PCDHA2: variants seen among roughly 807,000 people sequenced by gnomAD.
PCDHA2 encodes protocadherin alpha-2.
In PCDHA2, 58 loss-of-function variants were observed where a neutral mutation model predicts 66.0. The observed-to-expected ratio is 0.88, with a 90% CI of 0.71 to 1.09. PCDHA2 has a LOEUF of 1.09. PCDHA2 is among the 50% of genes least tolerant of loss of function. The pLI, the probability that PCDHA2 is intolerant of heterozygous loss-of-function variation, is 0.00. For missense variants in PCDHA2, 1,267 were observed against 1,242.3 expected, an observed-to-expected ratio of 1.02 and a Z score of -0.30; for synonymous variants, 634 against 554.0, an observed-to-expected ratio of 1.14 and a Z score of -2.03.
chr5:140,822,325 A>G (rs1767274274), intron 1 of PCDHA2: 1 of 1,614,194 alleles, frequency 6.2e-7, no homozygotes, highest in Non-Finnish European at 8.5e-7. Flanking sequence ...TGTTAAAACA[A>G]ATGAAGAAGA....
intron 1 of PCDHA2, among the ~76,000 whole-genome samples, chr5:140,958,893 A>G (rs1332305633): frequency 2.6e-5 from 4 of 152,002 alleles, no homozygotes; most frequent in African/African-American, 9.7e-5. Flanking sequence ...TAGCTATATA[A>G]TAGATACAGA....
intron 1 of PCDHA2, chr5:140,810,853 CAATT>C (rs1394069722): frequency 9.9e-5 from 15 of 152,090 alleles, no homozygotes; most frequent in African/African-American, 3.1e-4. Flanking sequence ...TGATTAAACT[CAATT>C]TATCAATTTT....
rs782410675 is a variant in PCDHA2 at position 140,884,460 on chromosome 5, C to G, written c.2388+87108C>G. On this transcript the variant is annotated intron_variant, in intron 1 of 3. Coordinates refer to ENST00000526136, the MANE Select transcript of PCDHA2 (RefSeq NM_018905.3). ...TGCTCGGCACCGCCCACCGAGGGCGCGTGCGCGCCGGGCAAGCCCACTCTA... is the reference window on the plus strand; with the variant it reads ...TGCTCGGCACCGCCCACCGAGGGCGGGTGCGCGCCGGGCAAGCCCACTCTA... The G allele has an allele frequency of 2.5e-6, 4 of 1,613,614 alleles. No individual in the cohort carries two copies. Among genetic ancestry groups the G allele is most frequent in the Non-Finnish European group, 2.5e-6 (3 of 1,179,818 alleles).
chr5:140,949,537 C>A (rs1359504503), intron 1 of PCDHA2, among the ~76,000 whole-genome samples: 1 of 151,692 alleles, frequency 6.6e-6, no homozygotes, highest in African/African-American at 2.4e-5. Flanking sequence ...CATAAAATAT[C>A]GATTTGTTGC....
intron 1 of PCDHA2, chr5:140,836,453 G>C: frequency 6.2e-7 from 1 of 1,613,854 alleles, no homozygotes; most frequent in Non-Finnish European, 8.5e-7. Context: ...CAGGCCCAGA[G>C]ACCGAGCTGG....
At chr5:140,875,935 G>A (rs781964808) in intron 1 of PCDHA2, 14 of 1,614,210 alleles carry the variant, frequency 8.7e-6, no homozygotes, top group African/African-American at 1.3e-5. Flanking sequence ...TTTTCCTCTA[G>A]AGGGCGCTTC....
rs138948867 is a variant in PCDHA2 at position 140,849,674 on chromosome 5, C to T, written c.2388+52322C>T. 1.4e-4 allele frequency: 225 copies of T among 1,598,712 alleles called. 14 individuals carry two copies. The African/African-American group carries it at 2.2e-3, about 16-fold the overall frequency. On this transcript the variant is annotated intron_variant, in intron 1 of 3. Coordinates refer to ENST00000526136, the MANE Select transcript of PCDHA2 (RefSeq NM_018905.3). The stretch of plus-strand genomic sequence containing the variant: ...TTACCTGCTCCCTGACGCCCCACGT[C>T]CCCTTCAAGCTGGTGTCCACCTACA...
Position 140,908,264 on chromosome 5 carries a change from C to T in PCDHA2, c.2389-70685C>T, listed in dbSNP as rs184452768. Among the ~76,000 whole-genome samples the T allele has an allele frequency of 2.1e-4, 32 of 152,244 alleles. 1 individual carries two copies. Among genetic ancestry groups the T allele is most frequent in the African/African-American group, 6.3e-4 (26 of 41,538 alleles). Reference sequence around the variant, plus strand: ...CCTCATCAACTGATCATAGGGAACTCCCCATGAGGCCATTGTTGCAAGCTG... The same window carrying T: ...CCTCATCAACTGATCATAGGGAACTTCCCATGAGGCCATTGTTGCAAGCTG... On this transcript the variant is annotated intron_variant, in intron 1 of 3. Coordinates refer to ENST00000526136, the MANE Select transcript of PCDHA2 (RefSeq NM_018905.3).
intron 1 of PCDHA2, chr5:140,883,199 G>A (rs782445481): frequency 6.2e-7 from 1 of 1,613,862 alleles, no homozygotes; most frequent in Non-Finnish European, 8.5e-7. Context: ...ACTAGATTTC[G>A]AAGAAAAGAA....
intron 1 of PCDHA2, among the ~76,000 whole-genome samples, chr5:140,898,222 T>G (rs1373386970): frequency 1.3e-5 from 2 of 152,230 alleles, no homozygotes; most frequent in Non-Finnish European, 2.9e-5. Flanking sequence ...TTTTGGCTTT[T>G]GTTGCCATTG....
At chr5:141,007,395 CAA>C (rs35800918) in intron 3 of PCDHA2, among the ~76,000 whole-genome samples, 1,140 of 94,858 alleles carry the variant, frequency 0.012, 9 homozygotes, top group South Asian at 0.036. Context: ...TACTAAAATA[CAA>C]AAAAAAAAAA....
Position 140,796,770 on chromosome 5 carries a change from C to G in PCDHA2, c.1806C>G (p.Gly602=), listed in dbSNP as rs1762134652. ...TGCGCGCAGTGGACGCTGACTCAGG[C>G]TACAACGCGTGGCTTTCGTACGAGC... ...AKVRAVDADS[G]YNAWLSYELQ... is the part of the protein sequence containing the mutation. Residue 602 remains glycine, a synonymous_variant, in exon 1 of 4, where the codon GGC becomes GGG. Transcript: ENST00000526136. 1 of 1,614,026 alleles carries G rather than the reference C, an allele frequency of 6.2e-7. No individual in the cohort carries two copies. The highest frequency in any genetic ancestry group is 1.3e-5 in the African/African-American group (1 of 74,946).
chr5:140,869,144 T>A, intron 1 of PCDHA2: 1 of 1,613,654 alleles, frequency 6.2e-7, no homozygotes, highest in Non-Finnish European at 8.5e-7. Context: ...ACCCCACGAC[T>A]ACAGCTCTGG....
chr5:140,804,989 A>G, intron 1 of PCDHA2: 1 of 1,520,108 alleles, frequency 6.6e-7, no homozygotes. Flanking sequence ...TCAGGTCAGT[A>G]TTTTAAAAAT....
intron 1 of PCDHA2, chr5:140,814,606 T>A (rs2126657141): frequency 6.6e-6 from 1 of 152,320 alleles, no homozygotes; most frequent in Non-Finnish European, 1.5e-5. Flanking sequence ...TGTGCTATCT[T>A]GTACTTTTAT....
Position 140,961,691 on chromosome 5 carries a change from T to A in PCDHA2, c.2389-17258T>A, listed in dbSNP as rs963909259. On this transcript the variant is annotated intron_variant, in intron 1 of 3. Transcript: ENST00000526136. Reference sequence around the variant, plus strand: ...GTTTTTAATTAAGCCGGAGTAGTCCTTAGTATGAATGCCTTCATTTCTAAG... The same window carrying A: ...GTTTTTAATTAAGCCGGAGTAGTCCATAGTATGAATGCCTTCATTTCTAAG... Among the ~76,000 whole-genome samples the A allele has an allele frequency of 2.0e-5, 3 of 152,340 alleles. No individual in the cohort carries two copies. In the East Asian group the frequency reaches 5.8e-4, roughly 29 times the overall value.
At chr5:140,884,141 G>C in intron 1 of PCDHA2, 1 of 1,613,422 alleles carries the variant, frequency 6.2e-7, no homozygotes, top group South Asian at 1.1e-5. Flanking sequence ...GTTCCGCGTG[G>C]GGCTGTACAC....
Position 140,882,403 on chromosome 5 carries a change from G to A in PCDHA2, c.2388+85051G>A, listed in dbSNP as rs536389638. ...AGGAAGCAAAACACGGCACCTTCGTGGGCCGCATCGCTCAGGACCTGGGGC... is the reference window on the plus strand; with the variant it reads ...AGGAAGCAAAACACGGCACCTTCGTAGGCCGCATCGCTCAGGACCTGGGGC... On this transcript the variant is annotated intron_variant, in intron 1 of 3. Transcript: ENST00000526136. 1.9e-5 allele frequency: 31 copies of A among 1,614,168 alleles called. No homozygotes were observed. In the South Asian group the frequency reaches 3.3e-4, roughly 17 times the overall value.
In PCDHA2 at chr5:140,904,903, A is replaced by G. The variant is rs568713418; in HGVS notation, c.2389-74046A>G. On this transcript the variant is annotated intron_variant, in intron 1 of 3. Transcript: ENST00000526136. ...CTTTTTGATGGGATTTGTTTTTCTT[A>G]CTGATTTGTTTGACTTCCTTGTAGG... 9.4e-4 allele frequency among the ~76,000 whole-genome samples: 142 copies of G among 151,862 alleles called. 2 individuals carry two copies. The highest frequency in any genetic ancestry group is 2.9e-3 in the African/African-American group (122 of 41,438).
Sources: gnomAD v4.1 joint callset for allele counts (sites outside exome capture counted in the v4.1 genomes callset) on GRCh38, gnomAD v4.1.1 for gene constraint, MANE v1.5 for transcripts, NCBI Gene and HGNC (gene_info 2026-07-23, HGNC 2026-07-21) for gene names.